Variants in VAMP7 observed in about 807,000 individuals in gnomAD.
VAMP7 encodes the protein vesicle-associated membrane protein 7.
VAMP7 carries 14 observed loss-of-function variants against 29.6 expected under a neutral mutation model. The ratio of observed to expected loss-of-function variants is 0.47; its 90% CI spans 0.31 to 0.74. The LOEUF is 0.74. Ranked by LOEUF, VAMP7 falls within the 30% of genes least tolerant of loss-of-function variation. VAMP7 has a pLI of 0.05. For synonymous variants in VAMP7, 95 were observed against 88.1 expected (o/e 1.08, Z -0.44); for missense variants, 223 against 262.4 (o/e 0.85, Z 1.04).
intron 5 of VAMP7, among the ~76,000 whole-genome samples, chrX:155,914,001 T>C (rs2066275623): frequency 6.6e-6 from 1 of 152,218 alleles, no homozygotes; most frequent in Non-Finnish European, 1.5e-5. Flanking sequence ...GAGCATGGAA[T>C]GTTTTTCCAT....
At chrX:155,933,338 T>G (rs1221387541) in intron 6 of VAMP7, among the ~76,000 whole-genome samples, 1 of 152,134 alleles carries the variant, frequency 6.6e-6, no homozygotes, top group East Asian at 1.9e-4. Context: ...GGTCCTGGAC[T>G]TTTTTTGGTT....
At chrX:155,936,472 C>T (rs1440865831) in intron 6 of VAMP7, among the ~76,000 whole-genome samples, 1 of 152,218 alleles carries the variant, frequency 6.6e-6, no homozygotes, top group East Asian at 1.9e-4. Context: ...ATGAGTGAGG[C>T]TCCGTGGGTG....
At chrX:155,921,549 T>C (rs1242814941) in intron 6 of VAMP7, among the ~76,000 whole-genome samples, 1 of 152,110 alleles carries the variant, frequency 6.6e-6, no homozygotes, top group African/African-American at 2.4e-5. Context: ...ATTATAGTAA[T>C]CACTTATTCT....
rs2066759740 is a variant in VAMP7, at chrX:155,942,416, G to C, written c.*465G>C. ...TTCAAAACAATATAAATGGATAATA[G>C]TTGTTATTTGGGGAATTGTAATGAT... On this transcript the variant is annotated 3_prime_UTR_variant, in exon 8 of 8. Transcript: ENST00000286448. The C allele has an allele frequency of 7.1e-6, 3 of 420,000 alleles. No individual in the cohort carries two copies. Among genetic ancestry groups the C allele is most frequent in the Non-Finnish European group, 1.3e-5 (3 of 236,860 alleles). The allele number at this position is 420,000 out of a possible 1,614,324, so 26.0% of individuals were successfully genotyped here.
chrX:155,887,897 C>T (rs1165889484), intron 1 of VAMP7, among the ~76,000 whole-genome samples: 1 of 149,632 alleles, frequency 6.7e-6, no homozygotes, highest in Non-Finnish European at 1.5e-5. Context: ...TGCCACTGCA[C>T]TCTAGCCTGG....
chrX:155,901,437 G>A (rs1247982718), intron 5 of VAMP7, among the ~76,000 whole-genome samples: 8 of 151,922 alleles, frequency 5.3e-5, no homozygotes, highest in Non-Finnish European at 8.8e-5. Flanking sequence ...TATTGCAGAT[G>A]CATAAAGTTT....
At position 155,900,559 on chromosome X, in the gene VAMP7, A is replaced by C. The variant is rs367823371; in HGVS notation, c.405A>C (p.Glu135Asp). The C allele has an allele frequency of 1.9e-6, 3 of 1,610,146 alleles. No homozygotes were observed. The highest frequency in any genetic ancestry group is 4.5e-5 in the East Asian group (2 of 44,790). Residue 135 changes from glutamate to aspartate, a missense_variant, in exon 5 of 8, where the codon GAA becomes GAC. Physicochemically the swap from Glu to Asp is conservative, Grantham distance 45. Coordinates refer to ENST00000286448, the MANE Select transcript of VAMP7 (RefSeq NM_005638.6). Reference protein sequence around the residue: ...KVMETQAQVDELKGIMVRNID... With the variant: ...KVMETQAQVDDLKGIMVRNID... ...TGGAGACTCAAGCCCAAGTGGATGA[A>C]CTGAAAGGAATCATGGTCAGAAACA... is the stretch of plus-strand genomic sequence containing the variant.
At position 155,916,030 on chromosome X, in the gene VAMP7, T is replaced by C. The variant is rs781137467; in HGVS notation, c.434-3783T>C. 1.8e-3 allele frequency among the ~76,000 whole-genome samples: 275 copies of C among 152,352 alleles called. 2 individuals carry two copies. Among genetic ancestry groups the C allele is most frequent in the African/African-American group, 6.4e-3 (267 of 41,588 alleles). ...TCTGTAAGAACTTGCTTTATGAATCTGGGTGCTCCTGTATTGGGTGCATAT... is the reference window on the plus strand; with the variant it reads ...TCTGTAAGAACTTGCTTTATGAATCCGGGTGCTCCTGTATTGGGTGCATAT... On this transcript the variant is annotated intron_variant, in intron 5 of 7. Coordinates refer to ENST00000286448, the MANE Select transcript of VAMP7 (RefSeq NM_005638.6).
chrX:155,923,369 C>G (rs2066421950), intron 6 of VAMP7, among the ~76,000 whole-genome samples: 1 of 150,206 alleles, frequency 6.7e-6, no homozygotes, highest in South Asian at 2.1e-4. Context: ...GTGTGTAGGT[C>G]TACTGGAAAT....
At chrX:155,910,215 T>C (rs761764867) in intron 5 of VAMP7, among the ~76,000 whole-genome samples, 1 of 152,306 alleles carries the variant, frequency 6.6e-6, no homozygotes, top group East Asian at 1.9e-4. Context: ...TATTTGTCTT[T>C]CCATGCCTGC....
intron 6 of VAMP7, among the ~76,000 whole-genome samples, chrX:155,935,810 T>G (rs1331380616): frequency 6.6e-6 from 1 of 152,188 alleles, no homozygotes; most frequent in East Asian, 1.9e-4. Context: ...TTCTGCTGTT[T>G]TTTTCCCTAT....
intron 1 of VAMP7, among the ~76,000 whole-genome samples, chrX:155,883,375 C>T (rs1260171404): frequency 9.2e-5 from 14 of 152,258 alleles, no homozygotes; most frequent in Middle Eastern, 3.4e-3. Context: ...AAAGGATCTC[C>T]CATCTCTTCC....
At position 155,942,113 on chromosome X, in the gene VAMP7, G is replaced by A. The variant is rs758003477; in HGVS notation, c.*162G>A. The A allele has an allele frequency of 2.6e-5, 41 of 1,552,776 alleles. No homozygotes were observed. The South Asian group carries it at 4.5e-4, about 17-fold the overall frequency. On this transcript the variant is annotated 3_prime_UTR_variant, in exon 8 of 8. Transcript: ENST00000286448. ...GTTCCATGCCTCCAGGTTTATCTTT[G>A]TCTTATCTACCAGTTTATTCCTGTG...
At chrX:155,884,184 A>G (rs1490464132) in intron 1 of VAMP7, among the ~76,000 whole-genome samples, 4 of 151,482 alleles carry the variant, frequency 2.6e-5, no homozygotes, top group Non-Finnish European at 4.4e-5. Context: ...CTGGAGTGCA[A>G]TGGCATGATC....
At chrX:155,901,986 G>C (rs2066069322) in intron 5 of VAMP7, among the ~76,000 whole-genome samples, 1 of 152,016 alleles carries the variant, frequency 6.6e-6, no homozygotes, top group African/African-American at 2.4e-5. Flanking sequence ...TCATGATATT[G>C]ATTCTTCCTA....
intron 1 of VAMP7, 125 bp from the exon 2 acceptor site, chrX:155,889,333 G>A: frequency 1.5e-6 from 2 of 1,348,914 alleles, no homozygotes; most frequent in Non-Finnish European, 2.0e-6. Context: ...CTGTTGTTAA[G>A]TTTCATGTTA....
At chrX:155,914,391 A>T (rs998582367) in intron 5 of VAMP7, among the ~76,000 whole-genome samples, 1 of 152,138 alleles carries the variant, frequency 6.6e-6, no homozygotes, top group African/African-American at 2.4e-5. Flanking sequence ...AGAACTTCCA[A>T]TACTATGTTG....
intron 4 of VAMP7, 100 bp from the exon 5 acceptor site, chrX:155,900,397 T>C (rs2066044997): frequency 1.1e-6 from 1 of 900,202 alleles, no homozygotes; most frequent in Non-Finnish European, 1.7e-6. Flanking sequence ...GAGACATAAT[T>C]TTATAGCATT....
chrX:155,920,479 TC>T (rs2066379683), intron 6 of VAMP7, among the ~76,000 whole-genome samples: 1 of 152,104 alleles, frequency 6.6e-6, no homozygotes, highest in Non-Finnish European at 1.5e-5. Flanking sequence ...AGGGCAGAGA[TC>T]AGCTACAATT....
Sources: gnomAD v4.1 joint callset for allele counts (sites outside exome capture counted in the v4.1 genomes callset) on GRCh38, gnomAD v4.1.1 for gene constraint, MANE v1.5 for transcripts, NCBI Gene and HGNC (gene_info 2026-07-23, HGNC 2026-07-21) for gene names.